TAPT1: variants seen among roughly 807,000 people sequenced by gnomAD.
TAPT1 encodes transmembrane anterior posterior transformation 1.
A neutral mutation model predicts 65.6 loss-of-function variants in TAPT1; 28 were observed. The observed-to-expected ratio is 0.43, with a 90% CI of 0.32 to 0.59. The LOEUF (loss-of-function observed/expected upper bound fraction) is 0.59, where lower values mean the gene tolerates loss of function less well. TAPT1 is among the 20% of genes least tolerant of loss of function. The probability of loss-of-function intolerance (pLI) is 0.09; values close to 1 mark genes in which losing one functional copy is unlikely to be tolerated. For synonymous variants in TAPT1, 278 were observed against 245.2 expected (o/e 1.13, Z -1.25); for missense variants, 563 against 679.9 (o/e 0.83, Z 1.91).
chr4:16,184,379 T>C (rs987882094), intron 7 of TAPT1, among the ~76,000 whole-genome samples: 2 of 152,248 alleles, frequency 1.3e-5, no homozygotes, highest in Non-Finnish European at 2.9e-5. Flanking sequence ...AGTAGTATTC[T>C]ATGGTATGGA....
Position 16,226,372 on chromosome 4 carries a change from G to C in TAPT1, c.86C>G (p.Ala29Gly), listed in dbSNP as rs1365348243. Residue 29 changes from alanine (A) to glycine (G), a missense_variant, in exon 1 of 14, where the codon GCG becomes GGG. Physicochemically the swap from Ala to Gly is moderately conservative, Grantham distance 60 (BLOSUM62 0). Around this residue, in one of 5 missense-constraint regions of TAPT1, gnomAD observed 103 missense variants for 89.4 expected, o/e 1.15. Coordinates refer to ENST00000405303, the MANE Select transcript of TAPT1 (RefSeq NM_153365.3). ...TCCGCCGCTGCCGCCCGGCTGCTCC[G>C]CCTCGCCGCGGCCGTCCCGCTGCGG... ...DGPQRDGRGEAEQPGGSGGQG... is the reference protein window; with the variant it reads ...DGPQRDGRGEGEQPGGSGGQG... 4.5e-6 allele frequency: 5 copies of C among 1,106,644 alleles called. No individual in the cohort carries two copies. The African/African-American group carries it at 8.4e-5, about 19-fold the overall frequency. 68.6% of individuals were successfully genotyped at this position (1,106,644 alleles called of 1,614,324 possible).
chr4:16,166,769 A>G lies in TAPT1; in HGVS notation c.1338T>C (p.Asn446=), dbSNP rs1236116275. The stretch of plus-strand genomic sequence containing the variant: ...ACGATTTCCCCAACAGCACGATGCT[A>G]TTAAGTACTTTCAGGGATATCAACC... ...YFGLISLKVL[N]SIVLLGKSCQ... Residue 446 remains asparagine (N), a synonymous_variant, in exon 13 of 14, where the codon AAT becomes AAC. Transcript: ENST00000405303. 3 of 1,613,900 alleles carry G rather than the reference A, an allele frequency of 1.9e-6. No individual in the cohort carries two copies. Among genetic ancestry groups the G allele is most frequent in the Non-Finnish European group, 2.5e-6 (3 of 1,179,866 alleles).
chr4:16,211,109 A>T (rs1750629499), intron 2 of TAPT1, among the ~76,000 whole-genome samples: 1 of 152,098 alleles, frequency 6.6e-6, no homozygotes, highest in African/African-American at 2.4e-5. Flanking sequence ...ATCTTAAAAT[A>T]TAAAAATTAA....
chr4:16,179,806 G>A (rs77328806), intron 7 of TAPT1, 149 bp from the exon 8 acceptor site: 117 of 246,740 alleles, frequency 4.7e-4, no homozygotes, highest in Middle Eastern at 1.5e-3. Context: ...ATATATATGT[G>A]TGTGTGTGTG....
chr4:16,161,901 A>G lies in TAPT1; in HGVS notation c.*1407T>C, dbSNP rs780075667. 4 of 152,230 alleles carry G rather than the reference A, an allele frequency of 2.6e-5. No individual in the cohort carries two copies. The highest frequency in any genetic ancestry group is 5.9e-5 in the Non-Finnish European group (4 of 68,040). The allele number at this position is 152,230 out of a possible 1,614,324, so 9.4% of individuals were successfully genotyped here. Reference sequence around the variant, plus strand: ...TGCATGAGAGCTAAACTTCAAAATCAAAACATCAAAGGAAATAACAGTTAA... The same window carrying G: ...TGCATGAGAGCTAAACTTCAAAATCGAAACATCAAAGGAAATAACAGTTAA... On this transcript the variant is annotated 3_prime_UTR_variant, in exon 14 of 14. Coordinates refer to ENST00000405303, the MANE Select transcript of TAPT1 (RefSeq NM_153365.3).
At chr4:16,172,781 C>T (rs1213164050) in intron 11 of TAPT1, among the ~76,000 whole-genome samples, 2 of 151,592 alleles carry the variant, frequency 1.3e-5, no homozygotes, top group African/African-American at 2.4e-5. Flanking sequence ...TCTAGATATC[C>T]TTTCGCAAAA....
intron 3 of TAPT1, among the ~76,000 whole-genome samples, chr4:16,193,152 TG>T (rs2086449445): frequency 6.6e-6 from 1 of 152,250 alleles, no homozygotes; most frequent in Admixed American, 6.5e-5. Flanking sequence ...TCTAAGATAT[TG>T]CAGAAATTCT....
At chr4:16,212,087 A>G (rs1393588530) in intron 2 of TAPT1, among the ~76,000 whole-genome samples, 2 of 152,196 alleles carry the variant, frequency 1.3e-5, no homozygotes, top group Non-Finnish European at 2.9e-5. Flanking sequence ...GCCACTGCTC[A>G]TTAGTTTTGC....
intron 3 of TAPT1, among the ~76,000 whole-genome samples, chr4:16,198,098 G>A (rs950144126): frequency 1.3e-5 from 2 of 152,160 alleles, no homozygotes; most frequent in Admixed American, 6.5e-5. Flanking sequence ...CCTGCTGGAT[G>A]AGCCATCATG....
intron 8 of TAPT1, chr4:16,176,696 A>AAAC (rs569902724): frequency 1.3e-5 from 2 of 152,676 alleles, no homozygotes; most frequent in East Asian, 3.9e-4. Flanking sequence ...ACTCCGTCTC[A>AAAC]AACAACAACA....
intron 3 of TAPT1, among the ~76,000 whole-genome samples, chr4:16,202,165 C>T (rs1330049801): frequency 6.6e-6 from 1 of 152,114 alleles, no homozygotes; most frequent in Non-Finnish European, 1.5e-5. Context: ...ATAAGTAGGT[C>T]TTTGACTTTC....
At position 16,218,713 on chromosome 4, in the gene TAPT1, T is replaced by C. The variant is rs564443353; in HGVS notation, c.200-4815A>G. On this transcript the variant is annotated intron_variant, in intron 1 of 13. Coordinates refer to ENST00000405303, the MANE Select transcript of TAPT1 (RefSeq NM_153365.3). ...AAGACAGTATTTGTATGAAAGTATA[T>C]AAAAACTGCAAAGCATGACGCAGTG... Among the ~76,000 whole-genome samples, 323 of 152,338 alleles carry C rather than the reference T, an allele frequency of 2.1e-3. 1 individual carries two copies. Among genetic ancestry groups the C allele is most frequent in the Non-Finnish European group, 2.5e-3 (167 of 68,020 alleles).
intron 4 of TAPT1, 141 bp from the exon 5 acceptor site, chr4:16,188,496 TTTAC>T: frequency 3.3e-6 from 2 of 610,158 alleles, no homozygotes; most frequent in Non-Finnish European, 5.4e-6. Context: ...AGGATCTTTG[TTTAC>T]TTATTCACTC....
At chr4:16,209,056 G>A (rs1054181950) in intron 2 of TAPT1, among the ~76,000 whole-genome samples, 2 of 152,004 alleles carry the variant, frequency 1.3e-5, no homozygotes, top group African/African-American at 2.4e-5. Flanking sequence ...TAGAGACAGC[G>A]TTTTGCCACA....
intron 1 of TAPT1, among the ~76,000 whole-genome samples, chr4:16,221,941 C>A (rs954432392): frequency 3.3e-5 from 5 of 152,172 alleles, no homozygotes; most frequent in African/African-American, 4.8e-5. Context: ...CCATTTCACA[C>A]AGTATATTCA....
chr4:16,174,587 T>G (rs2149674610), intron 10 of TAPT1, 83 bp downstream of exon 10: 1 of 1,275,504 alleles, frequency 7.8e-7, no homozygotes, highest in East Asian at 2.6e-5. Context: ...TTAGTTAATA[T>G]TTCATGCTAA....
intron 1 of TAPT1, chr4:16,225,823 A>C: frequency 1.1e-6 from 1 of 949,232 alleles, no homozygotes; most frequent in Non-Finnish European, 1.3e-6. Context: ...GGGCAAGTTA[A>C]CAGGTTTCTA....
Position 16,213,801 on chromosome 4 carries a change from G to T in TAPT1, c.297C>A (p.Tyr99Ter). Residue 99 changes from tyrosine (Y) to a stop codon, truncating the protein, a stop_gained, in exon 2 of 14, where the codon TAC becomes TAA. Coordinates refer to ENST00000405303, the MANE Select transcript of TAPT1 (RefSeq NM_153365.3). LOFTEE classifies it high-confidence loss of function. ...ATTCTCTTGGTATTCGCAAACAAGT[G>T]TATACTCTTTCTCTTCTTTCTGTAT... ...AKYTERRERV[Y>*]TCLRIPRELE... is the part of the protein sequence containing the mutation. The T allele has an allele frequency of 6.2e-7, 1 of 1,601,524 alleles. No homozygotes were observed. The highest frequency in any genetic ancestry group is 1.1e-5 in the South Asian group (1 of 88,442).
At chr4:16,204,951 C>T (rs184749381) in intron 2 of TAPT1, among the ~76,000 whole-genome samples, 1 of 152,294 alleles carries the variant, frequency 6.6e-6, no homozygotes, top group East Asian at 1.9e-4. Flanking sequence ...GAAAATTATC[C>T]TGTGACATTG....
Sources: gnomAD v4.1 joint callset for allele counts (sites outside exome capture counted in the v4.1 genomes callset) on GRCh38, gnomAD v4.1.1 for gene constraint, gnomAD v4.1.1 regional missense constraint, MANE v1.5 for transcripts, NCBI Gene and HGNC (gene_info 2026-07-23, HGNC 2026-07-21) for gene names.